P2RX4: variants seen among roughly 807,000 people sequenced by gnomAD.
P2RX4 encodes the protein purinergic receptor P2X 4, also known as P2X purinoceptor 4.
P2RX4 carries 37 observed loss-of-function variants against 48.0 expected under a neutral mutation model. That is an observed-to-expected ratio of 0.77 (90% CI 0.59 to 1.01). The LOEUF (loss-of-function observed/expected upper bound fraction) is 1.01. Among genes scored for constraint, P2RX4 ranks in the 50% least tolerant of loss-of-function variants. The probability of loss-of-function intolerance (pLI) is 0.00; values close to 1 mark genes in which losing one functional copy is unlikely to be tolerated. For synonymous variants in P2RX4, 200 were observed against 199.7 expected, an observed-to-expected ratio of 1.00 and a Z score of -0.01; for missense variants, 501 against 521.4, an observed-to-expected ratio of 0.96 and a Z score of 0.38.
intron 8 of P2RX4, among the ~76,000 whole-genome samples, chr12:121,230,907 CTCTCTCATA>C (rs755216549): frequency 1.3e-4 from 19 of 150,978 alleles, no homozygotes; most frequent in Admixed American, 7.9e-4. Context: ...CGCTCTCTCT[CTCTCTCATA>C]TATGTATATG....
chr12:121,220,719 G>A (rs1886540263), intron 2 of P2RX4, among the ~76,000 whole-genome samples: 1 of 152,172 alleles, frequency 6.6e-6, no homozygotes, highest in Non-Finnish European at 1.5e-5. Flanking sequence ...TGTTATGCAA[G>A]CATCACCTCT....
Position 121,233,511 on chromosome 12 carries a change from C to T in P2RX4, c.1141-12C>T. ...CAGGGGCACCTTGATCTGCTTGTGTCCTTCTTTGCAGGGTCTTGCTAGTGA... is the reference window on the plus strand; with the variant it reads ...CAGGGGCACCTTGATCTGCTTGTGTTCTTCTTTGCAGGGTCTTGCTAGTGA... On this transcript the variant is annotated splice_polypyrimidine_tract_variant and intron_variant, in intron 11 of 11. Transcript: ENST00000337233. 6.2e-7 allele frequency: 1 copy of T among 1,606,092 alleles called. No homozygotes were observed. The highest frequency in any genetic ancestry group is 8.5e-7 in the Non-Finnish European group (1 of 1,175,908).
chr12:121,215,587 T>C (rs1429016042), intron 1 of P2RX4: 1 of 152,156 alleles, frequency 6.6e-6, no homozygotes, highest in Non-Finnish European at 1.5e-5. Context: ...GGGATTTTTA[T>C]TGGACAGCAC....
At chr12:121,217,704 T>A (rs1454384977) in intron 2 of P2RX4, among the ~76,000 whole-genome samples, 1 of 145,802 alleles carries the variant, frequency 6.9e-6, no homozygotes, top group Non-Finnish European at 1.5e-5. Flanking sequence ...GGCGGGCAGA[T>A]ACCTTGAGCC....
Position 121,232,168 on chromosome 12 carries a change from G to C in P2RX4, c.885-246G>C, listed in dbSNP as rs901381949. Among the ~76,000 whole-genome samples the C allele has an allele frequency of 6.6e-6, 1 of 152,122 alleles. No individual in the cohort carries two copies. The highest frequency in any genetic ancestry group is 2.4e-5 in the African/African-American group (1 of 41,424). On this transcript the variant is annotated intron_variant, in intron 8 of 11. Coordinates refer to ENST00000337233, the MANE Select transcript of P2RX4 (RefSeq NM_002560.3). The surrounding 1 kb of genome is among the most constrained non-coding windows in gnomAD (Gnocchi z 4.3). ...CCAGGTGGGATGTTGAGAGCAAACT[G>C]TTCAGGTTCAGGAGAGGACACTGGT...
chr12:121,225,052 T>G (rs1886891837), intron 5 of P2RX4, among the ~76,000 whole-genome samples: 2 of 150,972 alleles, frequency 1.3e-5, no homozygotes, highest in East Asian at 2.0e-4. Context: ...CCATAGGAAG[T>G]GCACTTATCA....
intron 1 of P2RX4, 137 bp downstream of exon 1, chr12:121,210,435 A>G (rs1885751869): frequency 2.4e-6 from 2 of 839,522 alleles, no homozygotes; most frequent in South Asian, 9.3e-5. Context: ...CCTGGGCCCC[A>G]GCCGCCGCGC....
chr12:121,233,342 C>A, intron 11 of P2RX4, 181 bp from the exon 12 acceptor site: 1 of 671,216 alleles, frequency 1.5e-6, no homozygotes, highest in Non-Finnish European at 2.7e-6. Context: ...ATAATGCATG[C>A]TCTGAGAATG....
intron 8 of P2RX4, among the ~76,000 whole-genome samples, chr12:121,231,177 C>T (rs538503893): frequency 3.2e-4 from 48 of 151,796 alleles, no homozygotes; most frequent in African/African-American, 1.1e-3. Context: ...TTATTAGAGA[C>T]GGGGTTTCTC....
chr12:121,232,375 C>A lies in P2RX4; in HGVS notation c.885-39C>A. On this transcript the variant is annotated intron_variant, in intron 8 of 11. Coordinates refer to ENST00000337233, the MANE Select transcript of P2RX4 (RefSeq NM_002560.3). This position sits in a 1 kb window ranked among gnomAD's most constrained non-coding sequence, Gnocchi z 4.3. ...TCTCTCACAGGGCCCAAGGTCCTGC[C>A]CCAGCCATCTCCCCCTGATCCATCC... 1 of 1,417,952 alleles carries A rather than the reference C, an allele frequency of 7.1e-7. No homozygotes were observed. 87.8% of individuals were successfully genotyped at this position (1,417,952 alleles called of 1,614,324 possible).
chr12:121,219,259 A>G (rs906159796), intron 2 of P2RX4, among the ~76,000 whole-genome samples: 11 of 152,260 alleles, frequency 7.2e-5, no homozygotes, highest in Admixed American at 5.9e-4. Flanking sequence ...AGTTTGCCCT[A>G]GGCCTTTGGA....
intron 1 of P2RX4, chr12:121,212,830 T>TTTTTTA (rs1802218169): frequency 1.9e-5 from 2 of 107,452 alleles, no homozygotes; most frequent in Non-Finnish European, 4.0e-5. Context: ...ATATATTTTT[T>TTTTTTA]TTTTTTTTTT....
chr12:121,228,409 CACACACACACACAG>C (rs1887125117), intron 5 of P2RX4, 110 bp from the exon 6 acceptor site: 2 of 332,136 alleles, frequency 6.0e-6, no homozygotes, highest in East Asian at 5.6e-5. Context: ...TATATATACA[CACACACACACACAG>C]ACACACACAC....
chr12:121,222,858 G>A, intron 4 of P2RX4, 89 bp from the exon 5 acceptor site: 1 of 1,412,874 alleles, frequency 7.1e-7, no homozygotes, highest in South Asian at 1.2e-5. Flanking sequence ...ATGGGAGGCT[G>A]GATGGGGCTC....
In P2RX4 at chr12:121,229,633, G is replaced by T. The variant is rs771204764; in HGVS notation, c.884+534G>T. Among the ~76,000 whole-genome samples the T allele has an allele frequency of 2.6e-5, 4 of 152,148 alleles. No individual in the cohort carries two copies. The highest frequency in any genetic ancestry group is 4.4e-5 in the Non-Finnish European group (3 of 68,032). Reference sequence around the variant, plus strand: ...ATGTAAGCGAGTCCCACAAACAGTGGCTTGCAACTACAGGACTTGATTCTC... The same window carrying T: ...ATGTAAGCGAGTCCCACAAACAGTGTCTTGCAACTACAGGACTTGATTCTC... On this transcript the variant is annotated intron_variant, in intron 8 of 11. Coordinates refer to ENST00000337233, the MANE Select transcript of P2RX4 (RefSeq NM_002560.3). This position sits in a 1 kb window ranked among gnomAD's most constrained non-coding sequence, Gnocchi z 4.6.
rs544518617 is a variant in P2RX4 at position 121,226,507 on chromosome 12, C to T, written c.525-2026C>T. On this transcript the variant is annotated intron_variant, in intron 5 of 11. Coordinates refer to ENST00000337233, the MANE Select transcript of P2RX4 (RefSeq NM_002560.3). Reference sequence around the variant, plus strand: ...GCAGTGAGCCAAGATCATGCCACTGCGCTCCAGCCCGGGTGACAGAATAAG... The same window carrying T: ...GCAGTGAGCCAAGATCATGCCACTGTGCTCCAGCCCGGGTGACAGAATAAG... Among the ~76,000 whole-genome samples the T allele has an allele frequency of 5.9e-5, 9 of 152,192 alleles. No homozygotes were observed. In the South Asian group the frequency reaches 6.2e-4, roughly 11 times the overall value.
At position 121,229,163 on chromosome 12, in the gene P2RX4, G is replaced by A. The variant is rs1887190485; in HGVS notation, c.884+64G>A. On this transcript the variant is annotated intron_variant, in intron 8 of 11. Coordinates refer to ENST00000337233, the MANE Select transcript of P2RX4 (RefSeq NM_002560.3). The surrounding 1 kb of genome is among the most constrained non-coding windows in gnomAD (Gnocchi z 4.6). ...GGTGCTGGTGGCTGCGTACGTGCCA[G>A]TGGGCCGCCCACTGAAGACCAGCAC... The A allele has an allele frequency of 1.3e-6, 2 of 1,593,104 alleles. No individual in the cohort carries two copies. The highest frequency in any genetic ancestry group is 2.2e-5 in the South Asian group (2 of 90,448).
chr12:121,222,859 G>A (rs1188223634), intron 4 of P2RX4, 88 bp from the exon 5 acceptor site: 1 of 1,412,780 alleles, frequency 7.1e-7, no homozygotes, highest in Non-Finnish European at 9.8e-7. Context: ...TGGGAGGCTG[G>A]ATGGGGCTCT....
chr12:121,222,240 G>A (rs1331927781), intron 4 of P2RX4, 74 bp downstream of exon 4: 4 of 1,051,768 alleles, frequency 3.8e-6, no homozygotes, highest in African/African-American at 3.1e-5. Flanking sequence ...CTCTGATAGA[G>A]AAATCTTCCC....
Sources: gnomAD v4.1 joint callset for allele counts (sites outside exome capture counted in the v4.1 genomes callset) on GRCh38, gnomAD v4.1.1 for gene constraint, Gnocchi (gnomAD v3.1) non-coding constraint, MANE v1.5 for transcripts, NCBI Gene and HGNC (gene_info 2026-07-23, HGNC 2026-07-21) for gene names.